Variants in PLPP1 observed in about 807,000 individuals in gnomAD.
PLPP1 encodes phospholipid phosphatase 1.
Under a neutral mutation model 31.2 loss-of-function variants are expected in PLPP1, and 24 were observed. The ratio of observed to expected loss-of-function variants is 0.77; its 90% CI spans 0.56 to 1.08. PLPP1 has a LOEUF of 1.08. Ranked by LOEUF, PLPP1 falls within the 50% of genes least tolerant of loss-of-function variation. PLPP1 has a pLI of 0.00. For missense variants in PLPP1, 319 were observed against 342.7 expected (o/e 0.93, Z 0.55); for synonymous variants, 146 against 126.3 (o/e 1.16, Z -1.05).
intron 1 of PLPP1, among the ~76,000 whole-genome samples, chr5:55,493,459 G>T (rs906860053): frequency 2.0e-5 from 3 of 152,054 alleles, no homozygotes; most frequent in Non-Finnish European, 4.4e-5. Flanking sequence ...AAAGATTATA[G>T]GACTCAGGCA....
intron 4 of PLPP1, 23 bp downstream of exon 4, chr5:55,441,828 G>A (rs769987163): frequency 1.2e-5 from 20 of 1,606,902 alleles, no homozygotes; most frequent in Middle Eastern, 1.6e-4. Context: ...TAACCTAACC[G>A]TCAACAGACA....
At chr5:55,446,040 A>G (rs879684032) in intron 3 of PLPP1, among the ~76,000 whole-genome samples, 5 of 152,082 alleles carry the variant, frequency 3.3e-5, no homozygotes, top group Non-Finnish European at 5.9e-5. Context: ...TCCTGCCCCC[A>G]TCAATCAATA....
At chr5:55,479,074 G>C (rs547170302) in intron 1 of PLPP1, among the ~76,000 whole-genome samples, 1 of 150,286 alleles carries the variant, frequency 6.7e-6, no homozygotes, top group East Asian at 2.0e-4. Context: ...GCCCAGGCTG[G>C]AGTGCAATGG....
At chr5:55,469,081 A>G (rs576573021) in intron 2 of PLPP1, among the ~76,000 whole-genome samples, 100 of 152,350 alleles carry the variant, frequency 6.6e-4, no homozygotes, top group African/African-American at 2.3e-3. Flanking sequence ...CCAATGCTTT[A>G]TAAGTTAACA....
At chr5:55,452,558 C>T (rs1415805997) in intron 3 of PLPP1, among the ~76,000 whole-genome samples, 1 of 152,174 alleles carries the variant, frequency 6.6e-6, no homozygotes, top group Admixed American at 6.5e-5. Context: ...TTACAGTTCC[C>T]AACATATCTG....
intron 4 of PLPP1, among the ~76,000 whole-genome samples, chr5:55,431,548 T>TAAA (rs1751348638): frequency 6.6e-6 from 1 of 151,816 alleles, no homozygotes; most frequent in African/African-American, 2.4e-5. Flanking sequence ...GGGAATAAAT[T>TAAA]AAAGGAATAA....
At chr5:55,460,188 T>C (rs182306886) in intron 3 of PLPP1, among the ~76,000 whole-genome samples, 9 of 152,246 alleles carry the variant, frequency 5.9e-5, no homozygotes, top group African/African-American at 1.9e-4. Flanking sequence ...ATCAACTATA[T>C]TTTCAGTTAA....
intron 2 of PLPP1, among the ~76,000 whole-genome samples, chr5:55,469,253 C>T (rs1035656178): frequency 2.6e-5 from 4 of 151,916 alleles, no homozygotes; most frequent in African/African-American, 7.3e-5. Flanking sequence ...TTTGGGAGGC[C>T]GAGGCAGGTG....
At chr5:55,435,251 G>A (rs2111685739) in intron 4 of PLPP1, among the ~76,000 whole-genome samples, 1 of 152,304 alleles carries the variant, frequency 6.6e-6, no homozygotes, top group Non-Finnish European at 1.5e-5. Flanking sequence ...ATGCTGTTGA[G>A]GATGCAGAGA....
At position 55,530,449 on chromosome 5, in the gene PLPP1, T is replaced by A. The variant is rs1332893782; in HGVS notation, c.58+4123A>T. 4 of 1,257,264 alleles carry A rather than the reference T, an allele frequency of 3.2e-6. 1 individual carries two copies. In the Admixed American group the frequency reaches 5.0e-5, roughly 16 times the overall value. 77.9% of individuals were successfully genotyped at this position (1,257,264 alleles called of 1,614,324 possible). A position where few individuals can be genotyped will look rare whatever the true frequency, so the allele number is the denominator to read the frequency against. ...TAAGTAGGATGACCAGAAGAACTTGTATTCTCTTGGTAAGTTTCTGTGTTA... is the reference window on the plus strand; with the variant it reads ...TAAGTAGGATGACCAGAAGAACTTGAATTCTCTTGGTAAGTTTCTGTGTTA... On this transcript the variant is annotated intron_variant, in intron 1 of 5. Coordinates refer to ENST00000307259, the MANE Select transcript of PLPP1 (RefSeq NM_003711.4).
intron 1 of PLPP1, among the ~76,000 whole-genome samples, chr5:55,511,859 C>T (rs1384511383): frequency 6.7e-6 from 1 of 149,874 alleles, no homozygotes; most frequent in South Asian, 2.1e-4. Flanking sequence ...TTAGTAGAGA[C>T]GGGGTTTCAC....
intron 1 of PLPP1, among the ~76,000 whole-genome samples, chr5:55,509,153 A>G (rs1050600448): frequency 6.6e-6 from 1 of 152,244 alleles, no homozygotes; most frequent in Non-Finnish European, 1.5e-5. Flanking sequence ...GAAGGTTTTC[A>G]ATTTCAGGTA....
chr5:55,461,569 T>C (rs1211673062), intron 3 of PLPP1, among the ~76,000 whole-genome samples: 1 of 151,776 alleles, frequency 6.6e-6, no homozygotes, highest in Non-Finnish European at 1.5e-5. Context: ...TACCCATTCA[T>C]GATAAAAATC....
chr5:55,529,576 C>A (rs1459819502), intron 1 of PLPP1, among the ~76,000 whole-genome samples: 1 of 152,058 alleles, frequency 6.6e-6, no homozygotes, highest in Non-Finnish European at 1.5e-5. Flanking sequence ...TTACAACAAG[C>A]TTTCACTTTT....
intron 3 of PLPP1, among the ~76,000 whole-genome samples, chr5:55,445,891 T>C (rs146151844): frequency 6.6e-6 from 1 of 152,198 alleles, no homozygotes; most frequent in African/African-American, 2.4e-5. Context: ...GAATTCTAAA[T>C]TGATGACTTT....
At chr5:55,530,915 GGCC>G (rs1373889629) in intron 1 of PLPP1, among the ~76,000 whole-genome samples, 1 of 152,110 alleles carries the variant, frequency 6.6e-6, no homozygotes, top group Non-Finnish European at 1.5e-5. Flanking sequence ...CAGCGGCAGC[GGCC>G]CCGATGGTGA....
At chr5:55,477,092 G>C (rs1031807489) in intron 1 of PLPP1, among the ~76,000 whole-genome samples, 1 of 151,458 alleles carries the variant, frequency 6.6e-6, no homozygotes, top group Non-Finnish European at 1.5e-5. Context: ...ACTTATACTG[G>C]CCTTCATATC....
At chr5:55,429,752 G>A (rs569046775) in intron 4 of PLPP1, among the ~76,000 whole-genome samples, 9 of 152,126 alleles carry the variant, frequency 5.9e-5, no homozygotes, top group South Asian at 4.2e-4. Context: ...GGGTGCTGCC[G>A]CAGGGCCAAA....
chr5:55,462,027 G>C (rs1175970589), intron 3 of PLPP1, among the ~76,000 whole-genome samples: 2 of 151,844 alleles, frequency 1.3e-5, no homozygotes, highest in Admixed American at 6.6e-5. Context: ...AAAAACACTG[G>C]CATGAGAAAC....
Sources: allele counts gnomAD v4.1 joint callset (sites outside exome capture counted in the v4.1 genomes callset), GRCh38; gene constraint gnomAD v4.1.1; transcripts MANE v1.5; gene names NCBI Gene and HGNC (gene_info 2026-07-23, HGNC 2026-07-21).